Variants in DACH1 observed in about 807,000 individuals in gnomAD.
DACH1 encodes the protein dachshund homolog 1.
DACH1 carries 12 observed loss-of-function variants against 54.2 expected under a neutral mutation model. That is an observed-to-expected ratio of 0.22 (90% confidence interval 0.14 to 0.36). The LOEUF is 0.36. Among genes scored for constraint, DACH1 ranks in the 10% least tolerant of loss-of-function variants. The probability of loss-of-function intolerance (pLI) is 1.00; values close to 1 mark genes in which losing one functional copy is unlikely to be tolerated. For missense variants in DACH1, 805 were observed against 929.8 expected (o/e 0.87, Z 1.75); for synonymous variants, 386 against 366.2 (o/e 1.05, Z -0.62).
chr13:71,559,766 C>A, intron 5 of DACH1, 54 bp downstream of exon 5: 1 of 1,609,980 alleles, frequency 6.2e-7, no homozygotes, highest in Non-Finnish European at 8.5e-7. Flanking sequence ...TTAGAAAATC[C>A]AGCTGAACCC....
chr13:71,631,381 T>C (rs1365729080), intron 2 of DACH1, among the ~76,000 whole-genome samples: 1 of 152,162 alleles, frequency 6.6e-6, no homozygotes, highest in African/African-American at 2.4e-5. Context: ...CGTTTATACC[T>C]GTGCTGCTGT....
intron 2 of DACH1, among the ~76,000 whole-genome samples, chr13:71,680,978 G>T (rs1189782600): frequency 1.3e-5 from 2 of 151,864 alleles, no homozygotes; most frequent in Non-Finnish European, 2.9e-5. Flanking sequence ...TATAATACAT[G>T]ACATTTATAT....
chr13:71,509,023 T>C (rs1286836197), intron 6 of DACH1, among the ~76,000 whole-genome samples: 1 of 152,168 alleles, frequency 6.6e-6, no homozygotes, highest in Admixed American at 6.6e-5. Flanking sequence ...ATTTCTGTGT[T>C]TCTCTTCAAC....
chr13:71,687,079 C>T (rs1211464626), intron 1 of DACH1, among the ~76,000 whole-genome samples: 1 of 152,190 alleles, frequency 6.6e-6, no homozygotes, highest in African/African-American at 2.4e-5. Context: ...ACTTGCTCTG[C>T]TGATCTGCAA....
At chr13:71,612,226 T>A (rs115769636) in intron 3 of DACH1, among the ~76,000 whole-genome samples, 51 of 152,180 alleles carry the variant, frequency 3.4e-4, no homozygotes, top group African/African-American at 1.2e-3. Context: ...TATAGTAGAA[T>A]CCTTTCTCCT....
intron 2 of DACH1, among the ~76,000 whole-genome samples, chr13:71,646,161 G>T (rs1451877611): frequency 6.6e-6 from 1 of 151,772 alleles, no homozygotes; most frequent in African/African-American, 2.4e-5. Flanking sequence ...CATGGTAAAA[G>T]TCCCATCTCT....
At chr13:71,589,394 TATTTTTGTAGTTTTAA>T (rs1273200518) in intron 3 of DACH1, among the ~76,000 whole-genome samples, 1 of 152,066 alleles carries the variant, frequency 6.6e-6, no homozygotes, top group Non-Finnish European at 1.5e-5. Flanking sequence ...TGATAATTAT[TATTTTTGTAGTTTTAA>T]ATACCACAGA....
intron 1 of DACH1, among the ~76,000 whole-genome samples, chr13:71,848,283 C>A (rs1358796722): frequency 6.6e-6 from 1 of 152,048 alleles, no homozygotes; most frequent in African/African-American, 2.4e-5. Flanking sequence ...AAAATTTAAC[C>A]ATGTTAATCT....
intron 3 of DACH1, among the ~76,000 whole-genome samples, chr13:71,629,570 T>C (rs1876927837): frequency 6.6e-6 from 1 of 152,162 alleles, no homozygotes; most frequent in Non-Finnish European, 1.5e-5. Flanking sequence ...AAATCCACAG[T>C]ATTCCTTTAT....
At chr13:71,782,764 C>T (rs1218257392) in intron 1 of DACH1, among the ~76,000 whole-genome samples, 9 of 152,054 alleles carry the variant, frequency 5.9e-5, no homozygotes. Flanking sequence ...AAATAAAATA[C>T]TTATTCATGA....
chr13:71,662,533 T>C (rs1879575257), intron 2 of DACH1, among the ~76,000 whole-genome samples: 1 of 152,012 alleles, frequency 6.6e-6, no homozygotes, highest in Non-Finnish European at 1.5e-5. Context: ...AGCTAATATA[T>C]GTAAAAGGAC....
At chr13:71,739,816 T>C (rs1480133809) in intron 1 of DACH1, among the ~76,000 whole-genome samples, 5 of 152,228 alleles carry the variant, frequency 3.3e-5, no homozygotes, top group Non-Finnish European at 7.3e-5. Context: ...GAATTAAGAA[T>C]CATAGAATGC....
intron 3 of DACH1, among the ~76,000 whole-genome samples, chr13:71,614,296 A>G (rs1360213195): frequency 6.6e-6 from 1 of 152,162 alleles, no homozygotes; most frequent in East Asian, 1.9e-4. Context: ...CGGGTAGTTG[A>G]CCTGCTTTCA....
At chr13:71,444,016 A>G (rs1206597249) in intron 10 of DACH1, among the ~76,000 whole-genome samples, 1 of 151,984 alleles carries the variant, frequency 6.6e-6, no homozygotes, top group Non-Finnish European at 1.5e-5. Context: ...TGTTTTTCTC[A>G]CTTACATTAT....
At chr13:71,793,505 T>C (rs1410378856) in intron 1 of DACH1, among the ~76,000 whole-genome samples, 1 of 152,204 alleles carries the variant, frequency 6.6e-6, no homozygotes, top group Non-Finnish European at 1.5e-5. Flanking sequence ...TTTTACTTAC[T>C]TCTCAACCCA....
chr13:71,450,648 A>G (rs1301695055), intron 10 of DACH1, among the ~76,000 whole-genome samples: 2 of 152,304 alleles, frequency 1.3e-5, no homozygotes, highest in East Asian at 3.9e-4. Flanking sequence ...CCTAGACAGA[A>G]CAAAAGCTAG....
At chr13:71,662,630 T>C (rs746300780) in intron 2 of DACH1, among the ~76,000 whole-genome samples, 8 of 152,168 alleles carry the variant, frequency 5.3e-5, no homozygotes, top group Non-Finnish European at 1.0e-4. Context: ...CATTAATCAG[T>C]CAGTGATTGC....
At chr13:71,543,194 G>C (rs1351774020) in intron 6 of DACH1, among the ~76,000 whole-genome samples, 1 of 152,052 alleles carries the variant, frequency 6.6e-6, no homozygotes, top group East Asian at 1.9e-4. Flanking sequence ...AAGGACTTAG[G>C]TTCACTACAA....
chr13:71,578,807 G>A (rs1484362605), intron 3 of DACH1, among the ~76,000 whole-genome samples: 2 of 152,090 alleles, frequency 1.3e-5, no homozygotes, highest in African/African-American at 2.4e-5. Context: ...AATAATGTCC[G>A]CAGAGTAGGT....
Sources: allele counts gnomAD v4.1 joint callset (sites outside exome capture counted in the v4.1 genomes callset), GRCh38; gene constraint gnomAD v4.1.1; transcripts MANE v1.5; gene names NCBI Gene and HGNC (gene_info 2026-07-23, HGNC 2026-07-21).